Variants in IFT88 observed in about 807,000 individuals in gnomAD.
IFT88 encodes intraflagellar transport protein 88 homolog.
IFT88 carries 74 observed loss-of-function variants against 119.5 expected under a neutral mutation model. The observed-to-expected ratio is 0.62, with a 90% CI of 0.51 to 0.75. The LOEUF (loss-of-function observed/expected upper bound fraction) is 0.75, where lower values mean the gene tolerates loss of function less well. Ranked by LOEUF, IFT88 falls within the 30% of genes least tolerant of loss-of-function variation. The probability of loss-of-function intolerance (pLI) is 0.00; values close to 1 mark genes in which losing one functional copy is unlikely to be tolerated. For missense variants in IFT88, 961 were observed against 977.7 expected (o/e 0.98, Z 0.23); for synonymous variants, 279 against 316.7 (o/e 0.88, Z 1.26).
intron 24 of IFT88, among the ~76,000 whole-genome samples, chr13:20,679,146 A>T (rs150228141): frequency 6.6e-6 from 1 of 152,242 alleles, no homozygotes; most frequent in African/African-American, 2.4e-5. Flanking sequence ...GGAGTAATGC[A>T]AAAATCAGAA....
chr13:20,589,549 A>G (rs544075171), intron 3 of IFT88, among the ~76,000 whole-genome samples: 1 of 152,334 alleles, frequency 6.6e-6, no homozygotes, highest in African/African-American at 2.4e-5. Context: ...GGTTGCAAGC[A>G]TGAAAACAAA....
chr13:20,584,485 A>G (rs2039283269), intron 3 of IFT88, among the ~76,000 whole-genome samples: 1 of 152,204 alleles, frequency 6.6e-6, no homozygotes, highest in African/African-American at 2.4e-5. Flanking sequence ...TGGCATAAAT[A>G]TTGATCCCTC....
At chr13:20,661,389 A>C (rs2053748500) in intron 22 of IFT88, among the ~76,000 whole-genome samples, 1 of 152,184 alleles carries the variant, frequency 6.6e-6, no homozygotes, top group Admixed American at 6.5e-5. Flanking sequence ...AAAATGTAGC[A>C]GATTGAAGAT....
intron 23 of IFT88, among the ~76,000 whole-genome samples, chr13:20,664,950 G>A (rs1208853148): frequency 6.6e-6 from 1 of 151,910 alleles, no homozygotes; most frequent in East Asian, 1.9e-4. Context: ...GTGGTGGAGG[G>A]CACCTGTAGT....
chr13:20,610,697 A>G (rs1355784765), intron 13 of IFT88, among the ~76,000 whole-genome samples: 1 of 152,154 alleles, frequency 6.6e-6, no homozygotes, highest in African/African-American at 2.4e-5. Flanking sequence ...AAAAGAAGAA[A>G]ACTACAGATT....
chr13:20,607,053 TG>T (rs752907778), intron 13 of IFT88, among the ~76,000 whole-genome samples: 38 of 152,144 alleles, frequency 2.5e-4, no homozygotes, highest in South Asian at 2.1e-4. Flanking sequence ...GGCAGCCACT[TG>T]GGCAGGATGG....
chr13:20,652,931 T>C (rs1239614000), intron 20 of IFT88, among the ~76,000 whole-genome samples: 1 of 152,136 alleles, frequency 6.6e-6, no homozygotes, highest in African/African-American at 2.4e-5. Context: ...AAGTCCGTGC[T>C]CCTGTGTGAA....
intron 18 of IFT88, 22 bp from the exon 19 acceptor site, chr13:20,643,433 T>C (rs756318545): frequency 6.4e-7 from 1 of 1,565,464 alleles, no homozygotes; most frequent in Non-Finnish European, 8.6e-7. Flanking sequence ...AAACATGTTT[T>C]CCTTAACTGA....
intron 14 of IFT88, 142 bp downstream of exon 14, chr13:20,616,021 A>G (rs2045554095): frequency 2.1e-6 from 1 of 465,646 alleles, no homozygotes; most frequent in Non-Finnish European, 3.7e-6. Context: ...GTATGTTCAG[A>G]TTAATATAGG....
intron 9 of IFT88, among the ~76,000 whole-genome samples, chr13:20,597,550 C>T (rs2041881933): frequency 1.3e-5 from 2 of 151,996 alleles, no homozygotes; most frequent in South Asian, 4.1e-4. Context: ...CGAGACCATC[C>T]TGGCTAACAT....
intron 24 of IFT88, among the ~76,000 whole-genome samples, chr13:20,675,543 C>T (rs1238270518): frequency 3.3e-5 from 5 of 152,110 alleles, no homozygotes; most frequent in African/African-American, 4.8e-5. Flanking sequence ...GCCAATGTGT[C>T]GTCTGTGTTC....
intron 22 of IFT88, among the ~76,000 whole-genome samples, chr13:20,661,446 A>G (rs2140789840): frequency 6.6e-6 from 1 of 152,350 alleles, no homozygotes; most frequent in South Asian, 2.1e-4. Flanking sequence ...TATAAAAACT[A>G]TAAATGCGGC....
intron 20 of IFT88, among the ~76,000 whole-genome samples, chr13:20,651,769 GA>G (rs200961069): frequency 1.3e-5 from 2 of 151,366 alleles, no homozygotes; most frequent in East Asian, 1.9e-4. Flanking sequence ...GTTTGTATAG[GA>G]AAAAAAATAG....
rs988124750 is a variant in IFT88, at chr13:20,674,128, C to G, written c.2242+3089C>G. Among the ~76,000 whole-genome samples, 3 of 152,314 alleles carry G rather than the reference C, an allele frequency of 2.0e-5. No homozygotes were observed. In the South Asian group the frequency reaches 6.2e-4, roughly 32 times the overall value. The stretch of plus-strand genomic sequence containing the variant: ...GAATCGTGTTTTCTGTCCGCCTTCT[C>G]CAGTTCTCAGCACAGGCCACACTCC... On this transcript the variant is annotated intron_variant, in intron 24 of 25. Coordinates refer to ENST00000351808, the MANE Select transcript of IFT88 (RefSeq NM_006531.5).
At chr13:20,598,814 C>G in intron 10 of IFT88, 61 bp downstream of exon 10, 3 of 986,806 alleles carry the variant, frequency 3.0e-6, no homozygotes, top group Non-Finnish European at 4.8e-6. Flanking sequence ...TAATTTATGT[C>G]TCTTCATTTT....
intron 23 of IFT88, among the ~76,000 whole-genome samples, chr13:20,664,124 C>T (rs112834520): frequency 8.1e-4 from 124 of 152,246 alleles, no homozygotes; most frequent in African/African-American, 2.9e-3. Context: ...TAAAATATAT[C>T]AGGCAGTGGA....
At chr13:20,568,246 T>G (rs531225441) in intron 1 of IFT88, among the ~76,000 whole-genome samples, 3 of 152,300 alleles carry the variant, frequency 2.0e-5, no homozygotes, top group Admixed American at 2.0e-4. Flanking sequence ...CCCCAGATTA[T>G]TTCAACATGG....
chr13:20,611,514 CAAAAAAAAAAAAA>C (rs56062553), intron 13 of IFT88, among the ~76,000 whole-genome samples: 3 of 59,074 alleles, frequency 5.1e-5, no homozygotes, highest in African/African-American at 7.0e-5. Context: ...GACCCAGTCT[CAAAAAAAAAAAAA>C]AAAAAAAAAA....
intron 24 of IFT88, among the ~76,000 whole-genome samples, chr13:20,674,723 T>G (rs1566450594): frequency 3.6e-5 from 1 of 28,014 alleles, no homozygotes; most frequent in Non-Finnish European, 7.5e-5. Flanking sequence ...TATATATATA[T>G]ATTTTTTTTT....
Sources: allele counts gnomAD v4.1 joint callset (sites outside exome capture counted in the v4.1 genomes callset), GRCh38; gene constraint gnomAD v4.1.1; transcripts MANE v1.5; gene names NCBI Gene and HGNC (gene_info 2026-07-23, HGNC 2026-07-21).